Variants in DENND4C observed in about 807,000 individuals in gnomAD.
The protein encoded by DENND4C is DENN domain containing 4C, also known as DENN domain-containing protein 4C.
In DENND4C, 108 loss-of-function variants were observed where a neutral mutation model predicts 203.0. That is an observed-to-expected ratio of 0.53 (90% CI 0.46 to 0.62). The LOEUF is 0.62. Ranked by LOEUF, DENND4C falls within the 20% of genes least tolerant of loss-of-function variation. DENND4C has a pLI of 0.00. For missense variants in DENND4C, 2,481 were observed against 2,301.2 expected, an observed-to-expected ratio of 1.08 and a Z score of -1.60; for synonymous variants, 871 against 792.4, an observed-to-expected ratio of 1.10 and a Z score of -1.67.
chr9:19,324,623 G>A, intron 13 of DENND4C, 116 bp downstream of exon 13: 1 of 1,006,526 alleles, frequency 9.9e-7, no homozygotes, highest in African/African-American at 1.6e-5. Context: ...GGTTGTGTAT[G>A]TGTGTGTATG....
chr9:19,348,024 T>A (rs894404671), intron 23 of DENND4C, among the ~76,000 whole-genome samples: 3 of 152,240 alleles, frequency 2.0e-5, no homozygotes, highest in African/African-American at 7.2e-5. Context: ...GTATAGTATT[T>A]GAGTACTTTA....
At chr9:19,338,277 A>G (rs138558514) in intron 20 of DENND4C, among the ~76,000 whole-genome samples, 11 of 152,272 alleles carry the variant, frequency 7.2e-5, no homozygotes, top group African/African-American at 2.6e-4. Context: ...GCAAAAAAAT[A>G]TATTTTTTTG....
At chr9:19,248,826 C>G (rs956277747) in intron 1 of DENND4C, among the ~76,000 whole-genome samples, 7 of 149,264 alleles carry the variant, frequency 4.7e-5, no homozygotes, top group Middle Eastern at 3.3e-3. Flanking sequence ...GAGACCAAGT[C>G]TTGCTCAGTC....
Position 19,371,754 on chromosome 9 carries a change from AGGAG to A in DENND4C, c.5676-1_5678del. On this transcript the variant is annotated splice_acceptor_variant and coding_sequence_variant, in exon 32 of 33. Transcript: ENST00000434457. LOFTEE classifies it high-confidence loss of function. ...GACTTTTAAAACATATTTGTTTTATAGGAGTTTATACAGAGAAATCCTCTTCTTA... is the reference window on the plus strand; with the variant it reads ...GACTTTTAAAACATATTTGTTTTATATTTATACAGAGAAATCCTCTTCTTA... 1 of 1,388,410 alleles carries A rather than the reference AGGAG, an allele frequency of 7.2e-7. No individual in the cohort carries two copies. Among genetic ancestry groups the A allele is most frequent in the Non-Finnish European group, 1.0e-6 (1 of 995,534 alleles). The allele number at this position is 1,388,410 out of a possible 1,614,324, so 86.0% of individuals were successfully genotyped here.
Position 19,336,751 on chromosome 9 carries a change from A to G in DENND4C, c.2800A>G (p.Asn934Asp). 6.4e-7 allele frequency: 1 copy of G among 1,551,028 alleles called. No homozygotes were observed. Among genetic ancestry groups the G allele is most frequent in the Non-Finnish European group, 8.7e-7 (1 of 1,147,076 alleles). ...GAGCCACGGTAGTGTGGATAGTTCTAATGATGCTAACAATGGGGAGCACAC... is the reference window on the plus strand; with the variant it reads ...GAGCCACGGTAGTGTGGATAGTTCTGATGATGCTAACAATGGGGAGCACAC... The part of the protein sequence containing the change: ...TVSHGSVDSS[N>D]DANNGEHTVF... Residue 934 changes from asparagine (N) to aspartate (D), a missense_variant, in exon 20 of 33, where the codon AAT becomes GAT. By Grantham distance (23) the Asn-to-Asp change is conservative. Transcript: ENST00000434457.
intron 10 of DENND4C, among the ~76,000 whole-genome samples, chr9:19,315,577 G>A (rs1038028364): frequency 8.0e-5 from 12 of 150,362 alleles, no homozygotes; most frequent in East Asian, 1.9e-4. Context: ...GTATATATAC[G>A]TGTACATATA....
At chr9:19,238,487 T>C (rs181998131) in intron 1 of DENND4C, among the ~76,000 whole-genome samples, 3 of 9,920 alleles carry the variant, frequency 3.0e-4, no homozygotes, top group African/African-American at 5.0e-4. Flanking sequence ...CCCCTCCCCC[T>C]TCTCCTCCCC....
intron 30 of DENND4C, among the ~76,000 whole-genome samples, chr9:19,367,502 G>A (rs1827930263): frequency 1.3e-5 from 2 of 152,230 alleles, no homozygotes; most frequent in South Asian, 4.1e-4. Context: ...TTGGGAGGCT[G>A]AGGCCGGCAG....
intron 9 of DENND4C, 128 bp downstream of exon 9, chr9:19,300,459 C>A: frequency 1.1e-6 from 1 of 898,120 alleles, no homozygotes. Context: ...TGAAAAATTT[C>A]CAGCCCAGTA....
chr9:19,340,699 A>G (rs1214515753), intron 20 of DENND4C, among the ~76,000 whole-genome samples: 2 of 152,200 alleles, frequency 1.3e-5, no homozygotes, highest in African/African-American at 4.8e-5. Flanking sequence ...AGCATTCTGT[A>G]GACACGGTCT....
At position 19,350,724 on chromosome 9, in the gene DENND4C, G is replaced by A. The variant is rs766997960; in HGVS notation, c.4340G>A (p.Ser1447Asn). The A allele has an allele frequency of 1.2e-6, 2 of 1,613,094 alleles. No homozygotes were observed. Among genetic ancestry groups the A allele is most frequent in the East Asian group, 2.2e-5 (1 of 44,866 alleles). The change falls in exon 24 of 33, where the codon AGC (serine) becomes AAC (asparagine). Residue 1447 changes from serine (S) to asparagine (N), a missense_variant. By Grantham distance (46) the Ser-to-Asn change is conservative. This residue lies in a region of DENND4C where 2,289 missense variants were observed against 2,113.3 expected (regional missense o/e 1.08). Transcript: ENST00000434457. The part of the protein sequence containing the change: ...DDEEETNRDY[S>N]FPAGLEDHIL... ...AAGGAAGAAACTAATAGAGACTACA[G>A]CTTCCCAGCTGGCCTAGAAGACCAT...
chr9:19,264,453 C>T lies in DENND4C; in HGVS notation c.-17-11705C>T, dbSNP rs776214196. Among the ~76,000 whole-genome samples, 22 of 152,090 alleles carry T rather than the reference C, an allele frequency of 1.4e-4. 2 individuals carry two copies. The highest frequency in any genetic ancestry group is 4.6e-4 in the Admixed American group (7 of 15,258). ...TCTTAAATAGCTGGGATTACAGGTGCCTGCCACCATGCCTGGCTAATTTTT... is the reference window on the plus strand; with the variant it reads ...TCTTAAATAGCTGGGATTACAGGTGTCTGCCACCATGCCTGGCTAATTTTT... On this transcript the variant is annotated intron_variant, in intron 1 of 32. Transcript: ENST00000434457.
At chr9:19,367,423 G>A (rs1827911420) in intron 30 of DENND4C, among the ~76,000 whole-genome samples, 1 of 152,226 alleles carries the variant, frequency 6.6e-6, no homozygotes, top group African/African-American at 2.4e-5. Flanking sequence ...CAAAAATACG[G>A]AAACAAATGT....
chr9:19,342,545 A>T, intron 21 of DENND4C, 88 bp from the exon 22 acceptor site: 1 of 1,361,380 alleles, frequency 7.3e-7, no homozygotes, highest in Non-Finnish European at 9.7e-7. Context: ...GTTGGAGAAA[A>T]ATACATACAA....
chr9:19,271,325 G>C (rs565835736), intron 1 of DENND4C, among the ~76,000 whole-genome samples: 1 of 150,780 alleles, frequency 6.6e-6, no homozygotes, highest in Non-Finnish European at 1.5e-5. Flanking sequence ...TCAGCGTCCC[G>C]AGTAGCTGGG....
chr9:19,361,159 G>A (rs909043992), intron 29 of DENND4C, among the ~76,000 whole-genome samples: 4 of 152,138 alleles, frequency 2.6e-5, no homozygotes, highest in Non-Finnish European at 1.5e-5. Flanking sequence ...GACTGTGCCC[G>A]GCTGGTAGCT....
Position 19,271,863 on chromosome 9 carries a change from CTG to C in DENND4C, c.-17-4293_-17-4292del, listed in dbSNP as rs1242866444. ...CAGCCTGGGCAAAAAGAGTGAAACT[CTG>C]TCTCAAAAAAAAAAAAAAAAAGAGA... On this transcript the variant is annotated intron_variant, in intron 1 of 32. Transcript: ENST00000434457. Among the ~76,000 whole-genome samples, 7 of 142,370 alleles carry C rather than the reference CTG, an allele frequency of 4.9e-5. No individual in the cohort carries two copies. In the South Asian group the frequency reaches 1.3e-3, roughly 27 times the overall value. The allele number at this position is 142,370 out of a possible 152,430, so 93.4% of individuals were successfully genotyped here. A position where few individuals can be genotyped will look rare whatever the true frequency, so the allele number is the denominator to read the frequency against.
chr9:19,354,068 A>G (rs1304948995), intron 26 of DENND4C, among the ~76,000 whole-genome samples: 4 of 152,190 alleles, frequency 2.6e-5, no homozygotes, highest in Admixed American at 2.0e-4. Flanking sequence ...TTCTACGAAG[A>G]CACTGACTCT....
intron 17 of DENND4C, among the ~76,000 whole-genome samples, chr9:19,332,800 C>T (rs1819549480): frequency 7.4e-6 from 1 of 135,330 alleles, no homozygotes; most frequent in Admixed American, 7.8e-5. Context: ...GATGGAGTCT[C>T]ACTTTGTTTC....
Sources: gnomAD v4.1 joint callset for allele counts (sites outside exome capture counted in the v4.1 genomes callset) on GRCh38, gnomAD v4.1.1 for gene constraint, gnomAD v4.1.1 regional missense constraint, MANE v1.5 for transcripts, NCBI Gene and HGNC (gene_info 2026-07-23, HGNC 2026-07-21) for gene names.